Variants in CAMTA1 observed in about 807,000 individuals in gnomAD.
CAMTA1 encodes calmodulin binding transcription activator 1.
In CAMTA1, 27 loss-of-function variants were observed where a neutral mutation model predicts 170.9. The observed-to-expected ratio is 0.16, with a 90% CI of 0.12 to 0.22. The LOEUF is 0.22. Ranked by LOEUF, CAMTA1 falls within the 10% of genes least tolerant of loss-of-function variation. The probability of loss-of-function intolerance (pLI) is 1.00; values close to 1 mark genes in which losing one functional copy is unlikely to be tolerated. For missense variants in CAMTA1, 1,619 were observed against 2,217.2 expected, an observed-to-expected ratio of 0.73 and a Z score of 5.42; for synonymous variants, 833 against 891.5, an observed-to-expected ratio of 0.93 and a Z score of 1.17.
chr1:6,934,684 C>G lies in CAMTA1; in HGVS notation c.234+109474C>G, dbSNP rs532902300. On this transcript the variant is annotated intron_variant, in intron 3 of 22. Coordinates refer to ENST00000303635, the MANE Select transcript of CAMTA1 (RefSeq NM_015215.4). The surrounding 1 kb of genome is among the most constrained non-coding windows in gnomAD (Gnocchi z 4.5). Reference sequence around the variant, plus strand: ...GCCTCCCCTCCCTTCACCACCACCCCCTCCCCTCTCTCCCCTCTTATGCCC... The same window carrying G: ...GCCTCCCCTCCCTTCACCACCACCCGCTCCCCTCTCTCCCCTCTTATGCCC... 3.9e-5 allele frequency among the ~76,000 whole-genome samples: 6 copies of G among 152,094 alleles called. No homozygotes were observed. The highest frequency in any genetic ancestry group is 1.4e-4 in the African/African-American group (6 of 41,424).
At chr1:7,178,964 C>T (rs1018563132) in intron 4 of CAMTA1, among the ~76,000 whole-genome samples, 2 of 152,208 alleles carry the variant, frequency 1.3e-5, no homozygotes, top group African/African-American at 4.8e-5. Context: ...AGGATGCTGG[C>T]TGTGTGAACC....
chr1:7,641,371 G>A lies in CAMTA1; in HGVS notation c.664+818G>A, dbSNP rs1205646676. Among the ~76,000 whole-genome samples the A allele has an allele frequency of 6.6e-6, 1 of 152,224 alleles. No homozygotes were observed. Among genetic ancestry groups the A allele is most frequent in the East Asian group, 1.9e-4 (1 of 5,202 alleles). ...ACCTGCCATCAGCAGGGCCTGAGGG[G>A]GTGGGTCAGTGGCTCACTCAGAAGC... On this transcript the variant is annotated intron_variant, in intron 7 of 22. Coordinates refer to ENST00000303635, the MANE Select transcript of CAMTA1 (RefSeq NM_015215.4). This position sits in a 1 kb window ranked among gnomAD's most constrained non-coding sequence, Gnocchi z 4.5.
intron 20 of CAMTA1, 116 bp from the exon 21 acceptor site, chr1:7,752,343 C>T: frequency 1.2e-6 from 1 of 827,856 alleles, no homozygotes. Context: ...TTAACATATG[C>T]TGTTGGCTTT....
At chr1:7,404,657 C>A (rs995327700) in intron 5 of CAMTA1, among the ~76,000 whole-genome samples, 3 of 152,188 alleles carry the variant, frequency 2.0e-5, no homozygotes, top group Admixed American at 2.0e-4. Context: ...CCCTGGCTCC[C>A]CAGGAGTCCT....
At chr1:7,449,874 G>A (rs1575397437) in intron 5 of CAMTA1, among the ~76,000 whole-genome samples, 1 of 152,158 alleles carries the variant, frequency 6.6e-6, no homozygotes, top group East Asian at 1.9e-4. Flanking sequence ...AGGAGTATGA[G>A]CCTGACTCCT....
At chr1:7,720,266 A>G (rs1308144658) in intron 11 of CAMTA1, among the ~76,000 whole-genome samples, 2 of 152,250 alleles carry the variant, frequency 1.3e-5, no homozygotes, top group Non-Finnish European at 2.9e-5. Context: ...GTAACTAACG[A>G]AAGCCACTCC....
chr1:7,155,694 G>A (rs1473828380), intron 4 of CAMTA1, among the ~76,000 whole-genome samples: 2 of 152,032 alleles, frequency 1.3e-5, no homozygotes, highest in African/African-American at 4.8e-5. Context: ...GCCTCCCAAA[G>A]TGCTGGGATT....
chr1:7,418,869 C>T (rs1237902999), intron 5 of CAMTA1, among the ~76,000 whole-genome samples: 1 of 152,162 alleles, frequency 6.6e-6, no homozygotes, highest in Admixed American at 6.5e-5. Context: ...GCTGCCGGGA[C>T]CCGAATCTGG....
rs116729167 is a variant in CAMTA1, at chr1:7,052,292, G to A, written c.235-39012G>A. Among the ~76,000 whole-genome samples, 487 of 152,060 alleles carry A rather than the reference G, an allele frequency of 3.2e-3. 1 individual carries two copies. Among genetic ancestry groups the A allele is most frequent in the Non-Finnish European group, 5.9e-3 (399 of 67,998 alleles). On this transcript the variant is annotated intron_variant, in intron 3 of 22. Transcript: ENST00000303635. ...GGTGTTTCGTGTCGTTCTCTCCGAC[G>A]ACACCTTGGTTTCTCAGTTCCTGGG... is the stretch of plus-strand genomic sequence containing the variant.
At chr1:7,410,571 A>C (rs909757380) in intron 5 of CAMTA1, among the ~76,000 whole-genome samples, 6 of 152,236 alleles carry the variant, frequency 3.9e-5, no homozygotes, top group African/African-American at 1.4e-4. Flanking sequence ...AGGAGACACC[A>C]TCACCCAAAG....
intron 3 of CAMTA1, among the ~76,000 whole-genome samples, chr1:6,908,017 G>A (rs924496007): frequency 2.0e-5 from 3 of 152,160 alleles, no homozygotes; most frequent in African/African-American, 7.2e-5. Flanking sequence ...CTTGCCTACT[G>A]GAGCCAGGCT....
At chr1:6,899,003 A>G (rs1197422357) in intron 3 of CAMTA1, among the ~76,000 whole-genome samples, 1 of 152,052 alleles carries the variant, frequency 6.6e-6, no homozygotes, top group Non-Finnish European at 1.5e-5. Context: ...TCGCCTGTGG[A>G]TCTGTAGGAA....
At chr1:7,481,883 G>A (rs1452360794) in intron 6 of CAMTA1, among the ~76,000 whole-genome samples, 2 of 151,050 alleles carry the variant, frequency 1.3e-5, no homozygotes, top group East Asian at 1.9e-4. Context: ...TAGTTGATGA[G>A]TTTTGATCGA....
At chr1:6,950,790 G>A (rs1688353969) in intron 3 of CAMTA1, among the ~76,000 whole-genome samples, 1 of 151,762 alleles carries the variant, frequency 6.6e-6, no homozygotes, top group Non-Finnish European at 1.5e-5. Flanking sequence ...GGGAGAACAG[G>A]TCATAGCATT....
intron 10 of CAMTA1, among the ~76,000 whole-genome samples, chr1:7,675,567 G>A (rs2096110038): frequency 6.6e-6 from 1 of 152,170 alleles, no homozygotes; most frequent in African/African-American, 2.4e-5. Flanking sequence ...CACTCCCCCT[G>A]GTTTCCTGTA....
At chr1:7,029,014 C>A (rs1702411042) in intron 3 of CAMTA1, among the ~76,000 whole-genome samples, 1 of 152,186 alleles carries the variant, frequency 6.6e-6, no homozygotes, top group African/African-American at 2.4e-5. Context: ...AATCCTGATT[C>A]CCTTACCCTC....
intron 3 of CAMTA1, among the ~76,000 whole-genome samples, chr1:6,877,056 G>GCCT (rs1426978590): frequency 6.6e-6 from 1 of 152,316 alleles, no homozygotes; most frequent in African/African-American, 2.4e-5. Flanking sequence ...GCCAGGACTT[G>GCCT]CCTCCTCCTC....
chr1:7,517,605 T>C (rs1247584085), intron 6 of CAMTA1, among the ~76,000 whole-genome samples: 1 of 150,342 alleles, frequency 6.7e-6, no homozygotes, highest in Non-Finnish European at 1.5e-5. Context: ...AAAACAGATA[T>C]GAAGTCTCAA....
intron 11 of CAMTA1, among the ~76,000 whole-genome samples, chr1:7,731,571 C>CAAAAAAAAAAAAAAAAAA (rs536530455): frequency 1.1e-5 from 1 of 87,026 alleles, no homozygotes. Flanking sequence ...CACTCTGTCT[C>CAAAAAAAAAAAAAAAAAA]AAAAAAAAAA....
Sources: allele counts gnomAD v4.1 joint callset (sites outside exome capture counted in the v4.1 genomes callset), GRCh38; gene constraint gnomAD v4.1.1; non-coding constraint Gnocchi (gnomAD v3.1); transcripts MANE v1.5; gene names NCBI Gene and HGNC (gene_info 2026-07-23, HGNC 2026-07-21).